ZNF611: variants seen among roughly 807,000 people sequenced by gnomAD.
ZNF611 encodes the protein zinc finger protein 611.
In ZNF611, 6 loss-of-function variants were observed where a neutral mutation model predicts 8.9. The observed-to-expected ratio is 0.68, with a 90% CI of 0.37 to 1.34. ZNF611 has a LOEUF of 1.34. ZNF611 is among the 40% of genes most tolerant of loss of function. The probability of loss-of-function intolerance (pLI) is 0.02; values close to 1 mark genes in which losing one functional copy is unlikely to be tolerated. For missense variants in ZNF611, 874 were observed against 841.3 expected (o/e 1.04, Z -0.48); for synonymous variants, 262 against 279.7 (o/e 0.94, Z 0.63).
intron 1 of ZNF611, among the ~76,000 whole-genome samples, chr19:52,731,119 G>A (rs1033478214): frequency 2.0e-5 from 3 of 151,708 alleles, no homozygotes; most frequent in African/African-American, 4.8e-5. Flanking sequence ...CTGGAGTGCC[G>A]TGGTGCGATC....
At chr19:52,730,115 C>T (rs891830717) in intron 1 of ZNF611, 110 bp from the exon 2 acceptor site, 2 of 151,880 alleles carry the variant, frequency 1.3e-5, no homozygotes, top group African/African-American at 4.8e-5. Context: ...TGATGTAGGC[C>T]GGGCGCGGTG....
Position 52,706,387 on chromosome 19 carries a change from T to C in ZNF611, c.668A>G (p.Glu223Gly). ...GAAAGATTTTTCTCTCATGTGTACTTCCTGTTTTTGTGGGAGTAATGAAGA... is the reference window on the plus strand; with the variant it reads ...GAAAGATTTTTCTCTCATGTGTACTCCCTGTTTTTGTGGGAGTAATGAAGA... ...LNSSLLPQKQ[E>G]VHMREKSFQC... The change falls in exon 6 of 6, where the codon GAA (glutamate) becomes GGA (glycine). Residue 223 changes from glutamate (E) to glycine (G), a missense_variant. Glu to Gly is a moderately conservative substitution (Grantham distance 98). Transcript: ENST00000652185. 2 of 1,614,226 alleles carry C rather than the reference T, an allele frequency of 1.2e-6. No individual in the cohort carries two copies. The highest frequency in any genetic ancestry group is 1.7e-6 in the Non-Finnish European group (2 of 1,180,044).
intron 1 of ZNF611, among the ~76,000 whole-genome samples, chr19:52,732,259 A>G (rs68175587): frequency 0.72 from 92,631 of 128,698 alleles, 35,032 homozygotes; most frequent in African/African-American, 0.92. Flanking sequence ...GACAGAGCAA[A>G]ACTCCATCTC....
chr19:52,709,646 C>A (rs888572664), intron 5 of ZNF611, among the ~76,000 whole-genome samples: 9 of 152,026 alleles, frequency 5.9e-5, no homozygotes, highest in East Asian at 1.9e-4. Flanking sequence ...AGGATCACCA[C>A]AACCACCGCC....
At chr19:52,732,232 T>C (rs893585421) in intron 1 of ZNF611, among the ~76,000 whole-genome samples, 6 of 151,266 alleles carry the variant, frequency 4.0e-5, no homozygotes, top group Admixed American at 2.0e-4. Flanking sequence ...ATCGTGCCAC[T>C]GCACTCCAGC....
At chr19:52,722,729 C>G (rs1010918808) in intron 3 of ZNF611, among the ~76,000 whole-genome samples, 2 of 152,026 alleles carry the variant, frequency 1.3e-5, no homozygotes, top group African/African-American at 4.8e-5. Flanking sequence ...ATCCAAAGTC[C>G]CCCACCCTTT....
At chr19:52,732,278 A>G (rs966363156) in intron 1 of ZNF611, among the ~76,000 whole-genome samples, 1 of 151,962 alleles carries the variant, frequency 6.6e-6, no homozygotes, top group Admixed American at 6.6e-5. Flanking sequence ...TCAAAAAAGA[A>G]AAAAGAAAAC....
rs2062236086 is a variant in ZNF611, at chr19:52,705,626, A to T, written c.1429T>A (p.Cys477Ser). The part of the protein sequence containing the change: ...SQLAKHTRID[C>S]GEKPYKCNEC... ...TTACACTTGTAAGGTTTTTCTCCAC[A>T]GTCAATTCTAGTATGTTTTGCCAGT... The change falls in exon 6 of 6, where the codon TGT (cysteine) becomes AGT (serine). Residue 477 changes from cysteine to serine, a missense_variant. Physicochemically the swap from Cys to Ser is moderately radical, Grantham distance 112. Transcript: ENST00000652185. 1 of 1,613,092 alleles carries T rather than the reference A, an allele frequency of 6.2e-7. No individual in the cohort carries two copies. Among genetic ancestry groups the T allele is most frequent in the Non-Finnish European group, 8.5e-7 (1 of 1,179,694 alleles).
chr19:52,707,956 G>A (rs2062256110), intron 5 of ZNF611, among the ~76,000 whole-genome samples: 1 of 152,032 alleles, frequency 6.6e-6, no homozygotes, highest in South Asian at 2.1e-4. Flanking sequence ...AACGAATAGT[G>A]CATGTCAGTT....
At chr19:52,719,447 C>A (rs573909515) in intron 3 of ZNF611, among the ~76,000 whole-genome samples, 1 of 152,248 alleles carries the variant, frequency 6.6e-6, no homozygotes, top group South Asian at 2.1e-4. Flanking sequence ...AGGGAAGCTG[C>A]CTCTGATGCC....
Position 52,705,325 on chromosome 19 carries a change from T to A in ZNF611, c.1730A>T (p.His577Leu), listed in dbSNP as rs2062233251. The A allele has an allele frequency of 6.2e-7, 1 of 1,613,830 alleles. No individual in the cohort carries two copies. Among genetic ancestry groups the A allele is most frequent in the Non-Finnish European group, 8.5e-7 (1 of 1,179,998 alleles). The part of the protein sequence containing the change: ...KCNECSKTFS[H>L]RSYLVCHHRV... ...ATGATGGCATACAAGGTATGACCTGTGACTGAAGGTCTTGCTGCACTCATT... is the reference window on the plus strand; with the variant it reads ...ATGATGGCATACAAGGTATGACCTGAGACTGAAGGTCTTGCTGCACTCATT... The change falls in exon 6 of 6, where the codon CAC becomes CTC. Residue 577 changes from histidine (H) to leucine (L), a missense_variant. By Grantham distance (99) the His-to-Leu change is moderately conservative. Transcript: ENST00000652185.
chr19:52,727,339 C>T (rs185519357), intron 3 of ZNF611, among the ~76,000 whole-genome samples: 55 of 152,204 alleles, frequency 3.6e-4, no homozygotes, highest in African/African-American at 1.2e-3. Flanking sequence ...AGGCAAACAG[C>T]TAAGAGGTTG....
chr19:52,718,142 C>T (rs141434108), intron 3 of ZNF611, among the ~76,000 whole-genome samples: 7 of 152,110 alleles, frequency 4.6e-5, no homozygotes, highest in Non-Finnish European at 8.8e-5. Context: ...GAGTTCGAGA[C>T]CAGCCTGGCC....
At chr19:52,727,653 C>T (rs8106892) in intron 3 of ZNF611, among the ~76,000 whole-genome samples, 5,614 of 152,048 alleles carry the variant, frequency 0.037, 311 homozygotes, top group African/African-American at 0.12. Context: ...AGGCTGGTTT[C>T]GAACTCCTGA....
Position 52,705,618 on chromosome 19 carries a change from T to C in ZNF611, c.1437A>G (p.Glu479=), listed in dbSNP as rs201136398. Residue 479 remains glutamate (E), a synonymous_variant, in exon 6 of 6, where the codon GAA becomes GAG. Coordinates refer to ENST00000652185, the MANE Select transcript of ZNF611 (RefSeq NM_001161499.2). Reference sequence around the variant, plus strand: ...CACATTCATTACACTTGTAAGGTTTTTCTCCACAGTCAATTCTAGTATGTT... The same window carrying C: ...CACATTCATTACACTTGTAAGGTTTCTCTCCACAGTCAATTCTAGTATGTT... The part of the protein sequence containing the change: ...LAKHTRIDCG[E]KPYKCNECGK... 4.6e-5 allele frequency: 74 copies of C among 1,613,366 alleles called. No homozygotes were observed. The Admixed American group carries it at 4.7e-4, about 10-fold the overall frequency.
chr19:52,721,633 T>A (rs148672012), intron 3 of ZNF611, among the ~76,000 whole-genome samples: 5,674 of 151,294 alleles, frequency 0.038, 340 homozygotes, highest in African/African-American at 0.13. Context: ...ACGGCAGTAC[T>A]GTCCAGCCTC....
chr19:52,707,332 A>C (rs553490722), intron 5 of ZNF611: 4 of 152,902 alleles, frequency 2.6e-5, no homozygotes, highest in African/African-American at 9.6e-5. Flanking sequence ...GATAACCAAA[A>C]GCAATGGAAA....
chr19:52,725,855 A>G (rs988808462), intron 3 of ZNF611, among the ~76,000 whole-genome samples: 3 of 151,912 alleles, frequency 2.0e-5, no homozygotes, highest in Admixed American at 2.0e-4. Flanking sequence ...CGAGGCGGAG[A>G]GACCTTGCCC....
At chr19:52,729,492 C>CAAAAAAAAAAAAAAAAAAAAA (rs397859789) in intron 2 of ZNF611, among the ~76,000 whole-genome samples, 8 of 42,354 alleles carry the variant, frequency 1.9e-4, no homozygotes, top group African/African-American at 3.7e-4. Flanking sequence ...GACTCCATCT[C>CAAAAAAAAAAAAAAAAAAAAA]AAAAAAAAAA....
Sources: gnomAD v4.1 joint callset for allele counts (sites outside exome capture counted in the v4.1 genomes callset) on GRCh38, gnomAD v4.1.1 for gene constraint, MANE v1.5 for transcripts, NCBI Gene and HGNC (gene_info 2026-07-23, HGNC 2026-07-21) for gene names.